PIWIL2: variants seen among roughly 807,000 people sequenced by gnomAD.
The protein encoded by PIWIL2 is piwi like RNA-mediated gene silencing 2.
PIWIL2 carries 81 observed loss-of-function variants against 116.5 expected under a neutral mutation model. That is an observed-to-expected ratio of 0.70 (90% CI 0.58 to 0.84). PIWIL2 has a LOEUF of 0.84. Among genes scored for constraint, PIWIL2 ranks in the 40% least tolerant of loss-of-function variants. PIWIL2 has a pLI of 0.00. For synonymous variants in PIWIL2, 489 were observed against 429.5 expected, an observed-to-expected ratio of 1.14 and a Z score of -1.71; for missense variants, 1,272 against 1,212.3, an observed-to-expected ratio of 1.05 and a Z score of -0.73.
intron 20 of PIWIL2, among the ~76,000 whole-genome samples, chr8:22,330,697 A>T (rs991269002): frequency 2.2e-5 from 3 of 137,132 alleles, no homozygotes; most frequent in Admixed American, 7.9e-5. Context: ...ACTCTGTCTC[A>T]AAATAAATAA....
At chr8:22,294,407 C>T (rs1409297657) in intron 10 of PIWIL2, among the ~76,000 whole-genome samples, 6 of 149,320 alleles carry the variant, frequency 4.0e-5, no homozygotes, top group Middle Eastern at 3.3e-3. Context: ...TTTGGGAGGC[C>T]GAGGCGGGCA....
At chr8:22,296,494 T>C (rs1322074853) in intron 10 of PIWIL2, among the ~76,000 whole-genome samples, 2 of 152,228 alleles carry the variant, frequency 1.3e-5, no homozygotes, top group Non-Finnish European at 2.9e-5. Context: ...AGACCTTACA[T>C]GTTTGAAAAA....
chr8:22,301,659 C>G (rs1831052512), intron 10 of PIWIL2, among the ~76,000 whole-genome samples: 2 of 151,768 alleles, frequency 1.3e-5, no homozygotes, highest in South Asian at 4.1e-4. Flanking sequence ...CTTTTTCTTT[C>G]ATAGGTTTTG....
intron 10 of PIWIL2, among the ~76,000 whole-genome samples, chr8:22,296,990 T>A (rs1220639581): frequency 6.6e-5 from 10 of 152,134 alleles, no homozygotes; most frequent in African/African-American, 2.4e-4. Context: ...CTTTCCTTTT[T>A]TTTTTATTTT....
In PIWIL2 at chr8:22,348,226, G is replaced by A. The variant is rs367890928; in HGVS notation, c.2404-4733G>A. On this transcript the variant is annotated intron_variant, in intron 20 of 22. Coordinates refer to ENST00000356766, the MANE Select transcript of PIWIL2 (RefSeq NM_018068.5). ...GAGGCAGGAGAATCGCTTGAACCCG[G>A]GAGGCGGAGGTTGCAGTGAGCCGAG... Among the ~76,000 whole-genome samples the A allele has an allele frequency of 5.2e-4, 78 of 150,524 alleles. No individual in the cohort carries two copies. In the South Asian group the frequency reaches 0.016, roughly 30 times the overall value.
chr8:22,304,095 T>C lies in PIWIL2; in HGVS notation c.1256T>C (p.Ile419Thr), dbSNP rs1328823054. ...CTKLLVGNIV[I>T]TRYNNRTYRI... ...AAGCTTCTGGTTGGCAATATTGTTA[T>C]CACCCGATATAACAATCGTACCTAT... is the stretch of plus-strand genomic sequence containing the variant. Residue 419 changes from isoleucine (I) to threonine (T), a missense_variant, in exon 11 of 23, where the codon ATC (isoleucine) becomes ACC (threonine). Ile to Thr is a moderately conservative substitution (Grantham distance 89, BLOSUM62 -1). Coordinates refer to ENST00000356766, the MANE Select transcript of PIWIL2 (RefSeq NM_018068.5). 8 of 1,612,620 alleles carry C rather than the reference T, an allele frequency of 5.0e-6. No individual in the cohort carries two copies. The highest frequency in any genetic ancestry group is 4.2e-6 in the Non-Finnish European group (5 of 1,178,724).
intron 20 of PIWIL2, among the ~76,000 whole-genome samples, chr8:22,318,963 G>T (rs1831532032): frequency 6.6e-6 from 1 of 152,092 alleles, no homozygotes; most frequent in African/African-American, 2.4e-5. Context: ...TTTCATTTTG[G>T]TTCAAGACAA....
rs201231729 is a variant in PIWIL2 at position 22,283,207 on chromosome 8, G to A, written c.599G>A (p.Arg200His). Residue 200 changes from arginine (R) to histidine (H), a missense_variant, in exon 5 of 23, where the codon CGC (arginine) becomes CAC (histidine). By Grantham distance (29) the Arg-to-His change is conservative (BLOSUM62 0). Coordinates refer to ENST00000356766, the MANE Select transcript of PIWIL2 (RefSeq NM_018068.5). ...LPQSPLHSPD[R>H]PLVLTVEHKE... Reference sequence around the variant, plus strand: ...CAGTCTCCCCTGCACTCTCCAGATCGCCCTCTGGTCCTGACTGTGGAACAC... The same window carrying A: ...CAGTCTCCCCTGCACTCTCCAGATCACCCTCTGGTCCTGACTGTGGAACAC... The A allele has an allele frequency of 7.3e-5, 118 of 1,614,008 alleles. 1 individual carries two copies. The highest frequency in any genetic ancestry group is 6.4e-4 in the African/African-American group (48 of 75,002).
chr8:22,351,013 C>G (rs887956638), intron 20 of PIWIL2, among the ~76,000 whole-genome samples: 4 of 151,912 alleles, frequency 2.6e-5, no homozygotes, highest in African/African-American at 9.7e-5. Context: ...TGGTGGTGCA[C>G]ACCTGTAGTC....
At chr8:22,297,696 T>G (rs1830943192) in intron 10 of PIWIL2, among the ~76,000 whole-genome samples, 1 of 152,078 alleles carries the variant, frequency 6.6e-6, no homozygotes, top group African/African-American at 2.4e-5. Context: ...AGTGGGAATT[T>G]ATAGTCTAGG....
chr8:22,300,393 C>T (rs1831018061), intron 10 of PIWIL2, among the ~76,000 whole-genome samples: 2 of 152,114 alleles, frequency 1.3e-5, no homozygotes, highest in South Asian at 2.1e-4. Flanking sequence ...GTGGCTCTAC[C>T]ACAATTTATT....
intron 22 of PIWIL2, among the ~76,000 whole-genome samples, chr8:22,355,138 T>G (rs1832461489): frequency 6.7e-6 from 1 of 149,942 alleles, no homozygotes; most frequent in South Asian, 2.1e-4. Flanking sequence ...TTGAGAAGAT[T>G]TACCCATGTC....
chr8:22,294,366 G>A (rs1030216621), intron 10 of PIWIL2, among the ~76,000 whole-genome samples: 1 of 140,114 alleles, frequency 7.1e-6, no homozygotes. Context: ...AAAGGTCCGA[G>A]CGTGGTGGCT....
chr8:22,294,644 C>CAAAAAAAAAA (rs897494985), intron 10 of PIWIL2, among the ~76,000 whole-genome samples: 1 of 29,894 alleles, frequency 3.3e-5, no homozygotes, highest in Non-Finnish European at 6.7e-5. Context: ...GACTCTGTCT[C>CAAAAAAAAAA]AAAAAAAAAA....
At chr8:22,287,701 T>C in intron 7 of PIWIL2, 56 bp downstream of exon 7, 1 of 1,091,282 alleles carries the variant, frequency 9.2e-7, no homozygotes, top group Non-Finnish European at 1.4e-6. Context: ...CTCTGGCGTT[T>C]TTTGTTTGGT....
At position 22,306,655 on chromosome 8, in the gene PIWIL2, C is replaced by G. The variant is rs1831188311; in HGVS notation, c.1545+639C>G. Among the ~76,000 whole-genome samples the G allele has an allele frequency of 2.6e-5, 4 of 152,208 alleles. No individual in the cohort carries two copies. The South Asian group carries it at 6.2e-4, about 24-fold the overall frequency. ...TGCTGCCTCACTTTCCAGTCCATGT[C>G]TGTCTTAGACCCATATGCCACATAC... On this transcript the variant is annotated intron_variant, in intron 13 of 22. Transcript: ENST00000356766.
At chr8:22,302,057 T>C (rs1831062843) in intron 10 of PIWIL2, among the ~76,000 whole-genome samples, 1 of 152,216 alleles carries the variant, frequency 6.6e-6, no homozygotes, top group Non-Finnish European at 1.5e-5. Context: ...ATTTTCTCAT[T>C]TCTCTTGTGC....
intron 1 of PIWIL2, chr8:22,276,169 G>C (rs1468976212): frequency 3.3e-5 from 5 of 152,326 alleles, no homozygotes; most frequent in Admixed American, 3.3e-4. Flanking sequence ...CCTGCGTTTA[G>C]AGTGTGAAAG....
At chr8:22,288,687 C>G in intron 8 of PIWIL2, 21 bp downstream of exon 8, 1 of 1,594,560 alleles carries the variant, frequency 6.3e-7, no homozygotes, top group Non-Finnish European at 8.6e-7. Context: ...AGCTGAAGTT[C>G]TATTGTCCTG....
Sources: gnomAD v4.1 joint callset for allele counts (sites outside exome capture counted in the v4.1 genomes callset) on GRCh38, gnomAD v4.1.1 for gene constraint, MANE v1.5 for transcripts, NCBI Gene and HGNC (gene_info 2026-07-23, HGNC 2026-07-21) for gene names.